MYPN: variants seen among roughly 807,000 people sequenced by gnomAD.
MYPN encodes sarcomeric protein myopalladin, 145 kDa (MYOP).
Under a neutral mutation model 129.4 loss-of-function variants are expected in MYPN, and 63 were observed. The observed-to-expected ratio is 0.49, with a 90% CI of 0.40 to 0.60. The LOEUF (loss-of-function observed/expected upper bound fraction) is 0.60. Among genes scored for constraint, MYPN ranks in the 20% least tolerant of loss-of-function variants. The pLI, the probability that MYPN is intolerant of heterozygous loss-of-function variation, is 0.00. For missense variants in MYPN, 1,596 were observed against 1,635.4 expected, an observed-to-expected ratio of 0.98 and a Z score of 0.42; for synonymous variants, 629 against 600.9, an observed-to-expected ratio of 1.05 and a Z score of -0.68.
At chr10:68,185,217 GTGAAA>G (rs1229131635) in intron 12 of MYPN, among the ~76,000 whole-genome samples, 1 of 142,218 alleles carries the variant, frequency 7.0e-6, no homozygotes, top group Non-Finnish European at 1.5e-5. Flanking sequence ...AAGGGAAGAA[GTGAAA>G]AGAAAAGAAA....
chr10:68,129,331 A>G (rs2042374470), intron 2 of MYPN, among the ~76,000 whole-genome samples: 1 of 152,242 alleles, frequency 6.6e-6, no homozygotes, highest in African/African-American at 2.4e-5. Context: ...TAACTTTTAC[A>G]TGTTTTAAAA....
intron 1 of MYPN, among the ~76,000 whole-genome samples, chr10:68,097,457 C>T (rs2041962086): frequency 6.6e-6 from 1 of 152,104 alleles, no homozygotes; most frequent in South Asian, 2.1e-4. Flanking sequence ...ACAAAGTGAA[C>T]TAAAAGATGT....
chr10:68,149,000 A>G (rs2042719352), intron 5 of MYPN, among the ~76,000 whole-genome samples: 1 of 152,164 alleles, frequency 6.6e-6, no homozygotes, highest in Non-Finnish European at 1.5e-5. Flanking sequence ...CCAAGGTGGG[A>G]GGATTGCTTG....
At chr10:68,132,702 A>AG (rs905237751) in intron 2 of MYPN, among the ~76,000 whole-genome samples, 1 of 152,188 alleles carries the variant, frequency 6.6e-6, no homozygotes, top group African/African-American at 2.4e-5. Flanking sequence ...TCCAAATGGT[A>AG]GGGGGGATAT....
rs926206064 is a variant in MYPN, at chr10:68,194,434, T to C, written c.2997T>C (p.Asp999=). 1.5e-5 allele frequency: 24 copies of C among 1,613,760 alleles called. No homozygotes were observed. The highest frequency in any genetic ancestry group is 1.4e-5 in the Non-Finnish European group (16 of 1,179,904). Residue 999 remains aspartate (D), a synonymous_variant, in exon 14 of 20, where the codon GAT becomes GAC. Transcript: ENST00000358913. ...ACTGCAAAATGAGGCGAGAAGGAGA[T>C]GGGACATGCTCTCTGCACATTGAAT... ...NEHCKMRREG[D]GTCSLHIEST... is the part of the protein sequence containing the mutation.
At chr10:68,098,323 C>T (rs1016131871) in intron 1 of MYPN, among the ~76,000 whole-genome samples, 13 of 152,210 alleles carry the variant, frequency 8.5e-5, no homozygotes, top group Middle Eastern at 3.4e-3. Flanking sequence ...ATTACCTGAT[C>T]GTGGCACTTG....
intron 15 of MYPN, 27 bp downstream of exon 15, chr10:68,195,559 C>G: frequency 6.3e-7 from 1 of 1,589,212 alleles, no homozygotes; most frequent in Non-Finnish European, 8.6e-7. Context: ...TTCCCCCTCT[C>G]TAGGCCCTTC....
At chr10:68,191,753 T>G (rs978541429) in intron 13 of MYPN, among the ~76,000 whole-genome samples, 1 of 152,326 alleles carries the variant, frequency 6.6e-6, no homozygotes, top group African/African-American at 2.4e-5. Context: ...GGCATTTTAC[T>G]TATTTATTTT....
At chr10:68,193,246 C>A (rs539810813) in intron 13 of MYPN, among the ~76,000 whole-genome samples, 88 of 151,874 alleles carry the variant, frequency 5.8e-4, no homozygotes, top group African/African-American at 2.1e-3. Context: ...AGAAAATTAG[C>A]AAAGCCCAGA....
intron 4 of MYPN, among the ~76,000 whole-genome samples, chr10:68,147,044 A>T (rs1294711368): frequency 6.6e-6 from 1 of 152,228 alleles, no homozygotes; most frequent in Non-Finnish European, 1.5e-5. Flanking sequence ...ACAGTTTTAC[A>T]ATGAGCCATA....
chr10:68,158,628 G>A lies in MYPN; in HGVS notation c.1459+1G>A. On this transcript the variant is annotated splice_donor_variant, in intron 7 of 19. Coordinates refer to ENST00000358913, the MANE Select transcript of MYPN (RefSeq NM_032578.4). LOFTEE classifies it high-confidence loss of function. Reference sequence around the variant, plus strand: ...CCAGATTTTAGGATTTTACAGAAAAGTAAGTTAATACTTTAAATTATTTTC... The same window carrying A: ...CCAGATTTTAGGATTTTACAGAAAAATAAGTTAATACTTTAAATTATTTTC... The A allele has an allele frequency of 6.4e-7, 1 of 1,562,730 alleles. No individual in the cohort carries two copies. The highest frequency in any genetic ancestry group is 1.1e-5 in the South Asian group (1 of 89,574).
chr10:68,165,720 T>C lies in MYPN; in HGVS notation c.1502T>C (p.Val501Ala), dbSNP rs1432459279. The change falls in exon 9 of 20, where the codon GTC becomes GCC. Residue 501 changes from valine (V) to alanine (A), a missense_variant. Physicochemically the swap from Val to Ala is moderately conservative, Grantham distance 64. Transcript: ENST00000358913. ...MAEPEEICTL[V>A]IAEVFAEDSG... ...CATATAGAGGAGATTTGCACCTTGG[T>C]CATTGCTGAGGTGTTTGCAGAAGAT... The C allele has an allele frequency of 1.2e-6, 2 of 1,614,108 alleles. No homozygotes were observed. Among genetic ancestry groups the C allele is most frequent in the South Asian group, 1.1e-5 (1 of 91,080 alleles).
chr10:68,123,494 G>A (rs2042279724), intron 2 of MYPN, among the ~76,000 whole-genome samples: 1 of 150,240 alleles, frequency 6.7e-6, no homozygotes, highest in Non-Finnish European at 1.5e-5. Context: ...GGCTAAAAAG[G>A]TGAAACCCGG....
Position 68,122,485 on chromosome 10 carries a change from A to G in MYPN, c.902+145A>G. On this transcript the variant is annotated intron_variant, in intron 2 of 19. Coordinates refer to ENST00000358913, the MANE Select transcript of MYPN (RefSeq NM_032578.4). ...TCGGTATCTAAAGCAGCTTGGTCCA[A>G]TAGAAATGTAAACCTAGTCACGTAT... is the stretch of plus-strand genomic sequence containing the variant. The G allele has an allele frequency of 3.8e-6, 3 of 793,004 alleles. No individual in the cohort carries two copies. The East Asian group carries it at 7.9e-5, about 21-fold the overall frequency. 49.1% of individuals were successfully genotyped at this position (793,004 alleles called of 1,614,324 possible).
chr10:68,139,326 A>G (rs1485268180), intron 2 of MYPN, among the ~76,000 whole-genome samples: 2 of 152,112 alleles, frequency 1.3e-5, no homozygotes, highest in Non-Finnish European at 2.9e-5. Flanking sequence ...TTCTTCTTTG[A>G]CTAATATCCC....
intron 4 of MYPN, 134 bp from the exon 5 acceptor site, chr10:68,148,219 T>C (rs2042702328): frequency 2.6e-6 from 2 of 770,862 alleles, no homozygotes; most frequent in Non-Finnish European, 4.4e-6. Context: ...TGGTCAACGT[T>C]TGTAAAATAT....
intron 12 of MYPN, among the ~76,000 whole-genome samples, chr10:68,184,068 G>C (rs1343309854): frequency 6.6e-6 from 1 of 152,092 alleles, no homozygotes; most frequent in Non-Finnish European, 1.5e-5. Flanking sequence ...TCCATTTTGG[G>C]CTGGCTCCTT....
At chr10:68,134,734 G>A (rs1012133444) in intron 2 of MYPN, among the ~76,000 whole-genome samples, 5 of 152,052 alleles carry the variant, frequency 3.3e-5, no homozygotes, top group South Asian at 4.2e-4. Context: ...GGTGGAGGTT[G>A]CAGTGAGCCG....
intron 13 of MYPN, among the ~76,000 whole-genome samples, chr10:68,193,976 T>C (rs1389338444): frequency 6.8e-6 from 1 of 147,704 alleles, no homozygotes; most frequent in Non-Finnish European, 1.5e-5. Flanking sequence ...TGCAGGAAAC[T>C]TGAGCTTGTA....
Sources: allele counts gnomAD v4.1 joint callset (sites outside exome capture counted in the v4.1 genomes callset), GRCh38; gene constraint gnomAD v4.1.1; transcripts MANE v1.5; gene names NCBI Gene and HGNC (gene_info 2026-07-23, HGNC 2026-07-21).